KCNIP4: variants seen among roughly 807,000 people sequenced by gnomAD.
The protein encoded by KCNIP4 is Kv channel-interacting protein 4.
Under a neutral mutation model 34.0 loss-of-function variants are expected in KCNIP4, and 12 were observed. The ratio of observed to expected loss-of-function variants is 0.35; its 90% CI spans 0.23 to 0.57. KCNIP4 has a LOEUF of 0.57. Among genes scored for constraint, KCNIP4 ranks in the 20% least tolerant of loss-of-function variants. The probability of loss-of-function intolerance (pLI) is 0.83; values close to 1 mark genes in which losing one functional copy is unlikely to be tolerated. For synonymous variants in KCNIP4, 124 were observed against 102.2 expected (o/e 1.21, Z -1.29); for missense variants, 238 against 311.7 (o/e 0.76, Z 1.78).
intron 1 of KCNIP4, among the ~76,000 whole-genome samples, chr4:21,767,796 G>A (rs1224074980): frequency 6.6e-6 from 1 of 152,018 alleles, no homozygotes; most frequent in Non-Finnish European, 1.5e-5. Flanking sequence ...CTACCTGAAA[G>A]CAAGCATCAA....
chr4:21,938,770 G>A (rs1403715819), intron 1 of KCNIP4, among the ~76,000 whole-genome samples: 1 of 152,106 alleles, frequency 6.6e-6, no homozygotes, highest in African/African-American at 2.4e-5. Flanking sequence ...ACTAACATAC[G>A]CTGTGTAATT....
At chr4:21,112,209 C>A (rs184284313) in intron 1 of KCNIP4, among the ~76,000 whole-genome samples, 2 of 152,262 alleles carry the variant, frequency 1.3e-5, no homozygotes, top group African/African-American at 4.8e-5. Context: ...AGGAAAAATG[C>A]AGCAACTTGA....
intron 1 of KCNIP4, among the ~76,000 whole-genome samples, chr4:21,436,234 T>C (rs553346942): frequency 1.3e-5 from 2 of 152,180 alleles, no homozygotes; most frequent in Non-Finnish European, 2.9e-5. Flanking sequence ...GAGACTGATA[T>C]ATACCTAGTC....
intron 1 of KCNIP4, among the ~76,000 whole-genome samples, chr4:20,888,629 G>C (rs1332663086): frequency 6.6e-6 from 1 of 152,040 alleles, no homozygotes; most frequent in Non-Finnish European, 1.5e-5. Flanking sequence ...AACACTCTTT[G>C]TTTTCATTAA....
intron 1 of KCNIP4, among the ~76,000 whole-genome samples, chr4:21,484,192 T>G (rs901355226): frequency 6.8e-6 from 1 of 146,880 alleles, no homozygotes; most frequent in African/African-American, 2.5e-5. Flanking sequence ...TTTGGGAGGC[T>G]GAGGTGGGCA....
intron 1 of KCNIP4, among the ~76,000 whole-genome samples, chr4:20,890,925 A>T (rs1725851986): frequency 6.6e-6 from 1 of 152,150 alleles, no homozygotes; most frequent in Non-Finnish European, 1.5e-5. Flanking sequence ...GCAAGTGGTC[A>T]TTCTCCACTG....
At chr4:21,292,548 A>G (rs895288363) in intron 1 of KCNIP4, among the ~76,000 whole-genome samples, 1 of 152,102 alleles carries the variant, frequency 6.6e-6, no homozygotes, top group Non-Finnish European at 1.5e-5. Context: ...ATGACTGCGA[A>G]TCTCAAATGG....
At chr4:21,003,893 T>C (rs1738341568) in intron 1 of KCNIP4, among the ~76,000 whole-genome samples, 1 of 152,102 alleles carries the variant, frequency 6.6e-6, no homozygotes, top group Non-Finnish European at 1.5e-5. Context: ...TGGAATCGCA[T>C]GATGTGTTTG....
intron 1 of KCNIP4, among the ~76,000 whole-genome samples, chr4:21,662,730 G>C (rs978737822): frequency 1.3e-5 from 2 of 152,108 alleles, no homozygotes; most frequent in African/African-American, 4.8e-5. Context: ...AAAAACTAAA[G>C]TATTAACCAA....
intron 1 of KCNIP4, among the ~76,000 whole-genome samples, chr4:20,953,399 C>G (rs1228507038): frequency 6.6e-6 from 1 of 152,202 alleles, no homozygotes; most frequent in East Asian, 1.9e-4. Flanking sequence ...GGACCGGGTG[C>G]AGTGGCTCAC....
intron 1 of KCNIP4, among the ~76,000 whole-genome samples, chr4:20,939,986 C>G (rs11931507): frequency 6.6e-6 from 1 of 152,052 alleles, no homozygotes; most frequent in South Asian, 2.1e-4. Context: ...CAATGCTCTA[C>G]GAAGATACAA....
chr4:21,438,346 A>G (rs1252046343), intron 1 of KCNIP4, among the ~76,000 whole-genome samples: 3 of 152,224 alleles, frequency 2.0e-5, no homozygotes, highest in Non-Finnish European at 2.9e-5. Flanking sequence ...GAGCTATGCA[A>G]TATGTTGTAT....
At chr4:20,733,230 C>G (rs1748775749) in intron 6 of KCNIP4, among the ~76,000 whole-genome samples, 1 of 152,078 alleles carries the variant, frequency 6.6e-6, no homozygotes, top group Non-Finnish European at 1.5e-5. Flanking sequence ...ATTGGTAAGT[C>G]TTAAGGTTCA....
intron 1 of KCNIP4, among the ~76,000 whole-genome samples, chr4:21,541,936 C>A (rs1051875357): frequency 1.3e-5 from 2 of 152,146 alleles, no homozygotes; most frequent in African/African-American, 4.8e-5. Context: ...AGCCACCAAG[C>A]CCCGCCTAAT....
chr4:21,380,025 C>G (rs542396030), intron 1 of KCNIP4, among the ~76,000 whole-genome samples: 6 of 152,146 alleles, frequency 3.9e-5, no homozygotes, highest in Admixed American at 2.6e-4. Flanking sequence ...CATATGTAAT[C>G]CCCTTTTCAT....
intron 1 of KCNIP4, among the ~76,000 whole-genome samples, chr4:21,784,330 T>C (rs909470363): frequency 6.6e-6 from 1 of 152,074 alleles, no homozygotes; most frequent in African/African-American, 2.4e-5. Context: ...ACAAATCCTG[T>C]GCTCTGTCAC....
chr4:21,526,587 T>G (rs947447762), intron 1 of KCNIP4, among the ~76,000 whole-genome samples: 1 of 152,038 alleles, frequency 6.6e-6, no homozygotes, highest in Non-Finnish European at 1.5e-5. Flanking sequence ...TTTATATATA[T>G]ATAGCTTATA....
rs1001812773 is a variant in KCNIP4, at chr4:21,073,746, C to T, written c.62-191037G>A. On this transcript the variant is annotated intron_variant, in intron 1 of 8. Coordinates refer to ENST00000382152, the MANE Select transcript of KCNIP4 (RefSeq NM_025221.6). ...TAAAGGGAATGCTTCCAGTTTTTGT[C>T]CATTCAGTATGATATTGGCCATGGG... Among the ~76,000 whole-genome samples the T allele has an allele frequency of 2.0e-5, 3 of 152,114 alleles. 1 individual carries two copies. The highest frequency in any genetic ancestry group is 4.8e-5 in the African/African-American group (2 of 41,416).
At chr4:21,004,458 C>T (rs1030168849) in intron 1 of KCNIP4, among the ~76,000 whole-genome samples, 5 of 152,160 alleles carry the variant, frequency 3.3e-5, no homozygotes, top group African/African-American at 4.8e-5. Context: ...CCTGCACCAT[C>T]GCTGTCAAGA....
Sources: allele counts gnomAD v4.1 joint callset (sites outside exome capture counted in the v4.1 genomes callset), GRCh38; gene constraint gnomAD v4.1.1; transcripts MANE v1.5; gene names NCBI Gene and HGNC (gene_info 2026-07-23, HGNC 2026-07-21).